Variants in RAB1A observed in about 807,000 individuals in gnomAD.
RAB1A encodes the protein ras-related protein Rab-1A.
In RAB1A, 2 loss-of-function variants were observed where a neutral mutation model predicts 26.0. That is an observed-to-expected ratio of 0.08 (90% CI 0.03 to 0.24). The LOEUF is 0.24. RAB1A is among the 10% of genes least tolerant of loss of function. RAB1A has a pLI of 1.00. For synonymous variants in RAB1A, 84 were observed against 84.9 expected, an observed-to-expected ratio of 0.99 and a Z score of 0.06; for missense variants, 100 against 247.0, an observed-to-expected ratio of 0.40 and a Z score of 3.99.
intron 5 of RAB1A, 109 bp from the exon 6 acceptor site, chr2:65,088,799 A>C: frequency 7.6e-7 from 1 of 1,312,838 alleles, no homozygotes; most frequent in Non-Finnish European, 1.0e-6. Flanking sequence ...ATTGGATCCA[A>C]ACAGATGCTA....
Position 65,122,290 on chromosome 2 carries a change from A to G in RAB1A, c.23+7603T>C, listed in dbSNP as rs1211172552. ...TCAGCCAAGCGTGGGGCTCATGCCT[A>G]TAATCCCAGCACTTTGGGAAGCTGA... On this transcript the variant is annotated intron_variant, in intron 1 of 5. Coordinates refer to ENST00000409784, the MANE Select transcript of RAB1A (RefSeq NM_004161.5). Among the ~76,000 whole-genome samples, 7 of 151,516 alleles carry G rather than the reference A, an allele frequency of 4.6e-5. No individual in the cohort carries two copies. In the South Asian group the frequency reaches 1.5e-3, roughly 32 times the overall value.
intron 1 of RAB1A, among the ~76,000 whole-genome samples, chr2:65,109,044 C>T (rs758155083): frequency 7.9e-5 from 12 of 152,146 alleles, no homozygotes; most frequent in Non-Finnish European, 1.5e-4. Flanking sequence ...ACTTGAATAG[C>T]GTGATCAGTG....
intron 1 of RAB1A, among the ~76,000 whole-genome samples, chr2:65,127,828 G>A (rs1311046696): frequency 6.6e-6 from 1 of 152,108 alleles, no homozygotes; most frequent in Admixed American, 6.6e-5. Context: ...CCACCTCCCG[G>A]GATCACGCCA....
Position 65,115,289 on chromosome 2 carries a change from T to C in RAB1A, c.24-10483A>G, listed in dbSNP as rs553904765. Among the ~76,000 whole-genome samples, 7 of 152,332 alleles carry C rather than the reference T, an allele frequency of 4.6e-5. No homozygotes were observed. The East Asian group carries it at 1.2e-3, about 25-fold the overall frequency. Reference sequence around the variant, plus strand: ...TATCAAATTTAAAACAAAATCCTGATATACTGGCCAATAAATCTTAAGGGA... The same window carrying C: ...TATCAAATTTAAAACAAAATCCTGACATACTGGCCAATAAATCTTAAGGGA... On this transcript the variant is annotated intron_variant, in intron 1 of 5. Coordinates refer to ENST00000409784, the MANE Select transcript of RAB1A (RefSeq NM_004161.5).
chr2:65,114,211 C>A, intron 1 of RAB1A: 2 of 394,134 alleles, frequency 5.1e-6, no homozygotes, highest in Non-Finnish European at 1.0e-5. Flanking sequence ...GTTCACATGT[C>A]AATGAACACT....
chr2:65,125,180 G>A (rs1432286437), intron 1 of RAB1A, among the ~76,000 whole-genome samples: 3 of 152,118 alleles, frequency 2.0e-5, no homozygotes, highest in East Asian at 3.9e-4. Context: ...TAAAAATAAG[G>A]TAAATACTTT....
At chr2:65,097,258 T>C (rs527607286) in intron 3 of RAB1A, among the ~76,000 whole-genome samples, 1 of 152,258 alleles carries the variant, frequency 6.6e-6, no homozygotes, top group African/African-American at 2.4e-5. Context: ...CTGACAGGAC[T>C]CAGACCCATA....
Position 65,129,878 on chromosome 2 carries a change from C to A in RAB1A, c.23+15G>T. 4.4e-6 allele frequency: 7 copies of A among 1,593,886 alleles called. No individual in the cohort carries two copies. Among genetic ancestry groups the A allele is most frequent in the Non-Finnish European group, 6.0e-6 (7 of 1,171,158 alleles). Reference sequence around the variant, plus strand: ...GGCCCACGGACCCAGCCGACCGGTGCTCTCCTGAACTCACTATTCGGGATT... The same window carrying A: ...GGCCCACGGACCCAGCCGACCGGTGATCTCCTGAACTCACTATTCGGGATT... On this transcript the variant is annotated intron_variant, in intron 1 of 5. Transcript: ENST00000409784.
intron 2 of RAB1A, 40 bp from the exon 3 acceptor site, chr2:65,098,106 G>T: frequency 8.4e-7 from 1 of 1,183,878 alleles, no homozygotes; most frequent in Non-Finnish European, 1.2e-6. Flanking sequence ...GTATTGTTCA[G>T]TGGAGCAGAT....
At chr2:65,112,834 G>A (rs1669733546) in intron 1 of RAB1A, among the ~76,000 whole-genome samples, 1 of 152,124 alleles carries the variant, frequency 6.6e-6, no homozygotes, top group Non-Finnish European at 1.5e-5. Flanking sequence ...TCGCAATATT[G>A]GAGGTTCCAA....
intron 4 of RAB1A, among the ~76,000 whole-genome samples, chr2:65,089,336 C>T (rs1266475736): frequency 1.3e-5 from 2 of 152,082 alleles, no homozygotes; most frequent in Non-Finnish European, 2.9e-5. Flanking sequence ...CCTCCGCCTC[C>T]GGGATAGCTG....
At chr2:65,107,994 G>T in intron 1 of RAB1A, among the ~76,000 whole-genome samples, 1 of 150,804 alleles carries the variant, frequency 6.6e-6, no homozygotes, top group Non-Finnish European at 1.5e-5. Context: ...AACTCAGGAG[G>T]TGGAGGTTGC....
At chr2:65,100,763 C>CA (rs10597136) in intron 2 of RAB1A, among the ~76,000 whole-genome samples, 28 of 128,646 alleles carry the variant, frequency 2.2e-4, no homozygotes, top group African/African-American at 4.1e-4. Flanking sequence ...CATCTCAAAC[C>CA]AAAAAAAAAA....
chr2:65,092,834 T>C (rs925641766), intron 3 of RAB1A, among the ~76,000 whole-genome samples: 1 of 152,202 alleles, frequency 6.6e-6, no homozygotes, highest in Non-Finnish European at 1.5e-5. Context: ...GATTGGATTA[T>C]GGAGAAGTGA....
At chr2:65,090,285 G>C (rs866066978) in intron 4 of RAB1A, among the ~76,000 whole-genome samples, 9 of 152,192 alleles carry the variant, frequency 5.9e-5, no homozygotes, top group Middle Eastern at 3.4e-3. Context: ...TTAGAGGTGA[G>C]ATTTAACATT....
intron 1 of RAB1A, among the ~76,000 whole-genome samples, chr2:65,123,335 T>G (rs1317584930): frequency 6.6e-6 from 1 of 151,730 alleles, no homozygotes; most frequent in Non-Finnish European, 1.5e-5. Context: ...CACGCCCAGC[T>G]AATTTTTTGT....
intron 1 of RAB1A, among the ~76,000 whole-genome samples, chr2:65,112,771 G>C (rs1480072941): frequency 6.6e-6 from 1 of 152,152 alleles, no homozygotes; most frequent in Non-Finnish European, 1.5e-5. Context: ...AGCAACAAGA[G>C]AAAAATTATT....
At chr2:65,127,490 G>A (rs912688016) in intron 1 of RAB1A, among the ~76,000 whole-genome samples, 1 of 152,150 alleles carries the variant, frequency 6.6e-6, no homozygotes, top group Non-Finnish European at 1.5e-5. Context: ...CCAACACTTT[G>A]GGAAGCTGAG....
At chr2:65,116,897 A>G (rs1235148944) in intron 1 of RAB1A, among the ~76,000 whole-genome samples, 1 of 152,242 alleles carries the variant, frequency 6.6e-6, no homozygotes, top group African/African-American at 2.4e-5. Context: ...TTTGCTTTTC[A>G]TAGAAAGACA....
Sources: gnomAD v4.1 joint callset for allele counts (sites outside exome capture counted in the v4.1 genomes callset) on GRCh38, gnomAD v4.1.1 for gene constraint, MANE v1.5 for transcripts, NCBI Gene and HGNC (gene_info 2026-07-23, HGNC 2026-07-21) for gene names.